The following VPS13A variants were observed in gnomAD, a reference collection of about 807,000 sequenced individuals.
The protein encoded by VPS13A is vacuolar protein sorting 13 homolog A.
A neutral mutation model predicts 390.9 loss-of-function variants in VPS13A; 264 were observed. The observed-to-expected ratio is 0.68, with a 90% CI of 0.61 to 0.75. The LOEUF (loss-of-function observed/expected upper bound fraction) is 0.75. Ranked by LOEUF, VPS13A falls within the 30% of genes least tolerant of loss-of-function variation. The pLI, the probability that VPS13A is intolerant of heterozygous loss-of-function variation, is 0.00. For missense variants in VPS13A, 3,409 were observed against 3,733.9 expected, an observed-to-expected ratio of 0.91 and a Z score of 2.27; for synonymous variants, 1,231 against 1,227.1, an observed-to-expected ratio of 1.00 and a Z score of -0.07.
At chr9:77,260,959 C>T (rs150430842) in intron 23 of VPS13A, among the ~76,000 whole-genome samples, 2,180 of 151,552 alleles carry the variant, frequency 0.014, 48 homozygotes, top group African/African-American at 0.05. Flanking sequence ...AGTGCAGTGG[C>T]GCAATCTCGG....
intron 68 of VPS13A, chr9:77,385,121 TTTTATA>T (rs1231120117): frequency 3.8e-5 from 37 of 968,962 alleles, no homozygotes; most frequent in Non-Finnish European, 4.3e-5. Context: ...CCATTTAATG[TTTTATA>T]TTTATCATTT....
intron 71 of VPS13A, among the ~76,000 whole-genome samples, chr9:77,413,904 A>C (rs1292239961): frequency 6.6e-6 from 1 of 152,224 alleles, no homozygotes; most frequent in Non-Finnish European, 1.5e-5. Context: ...CAAGAAAAAA[A>C]CAGCCCCATC....
chr9:77,207,681 A>G (rs956843445), intron 5 of VPS13A, among the ~76,000 whole-genome samples: 17 of 152,002 alleles, frequency 1.1e-4, no homozygotes, highest in Non-Finnish European at 2.4e-4. Context: ...CTAGGGTGGG[A>G]AAGGGATGTT....
At position 77,333,688 on chromosome 9, in the gene VPS13A, T is replaced by C. The variant is rs188364984; in HGVS notation, c.6095+1575T>C. The stretch of plus-strand genomic sequence containing the variant: ...TAGTACTTCAGTATAGGTGCACTTA[T>C]ATTTAAGATGTGAGGTTTTAAATTA... On this transcript the variant is annotated intron_variant, in intron 46 of 71. Coordinates refer to ENST00000360280, the MANE Select transcript of VPS13A (RefSeq NM_033305.3). Among the ~76,000 whole-genome samples the C allele has an allele frequency of 5.9e-3, 891 of 152,208 alleles. 9 individuals carry two copies. The highest frequency in any genetic ancestry group is 8.1e-3 in the Non-Finnish European group (552 of 67,992).
chr9:77,253,927 G>A (rs371745087), intron 22 of VPS13A, among the ~76,000 whole-genome samples: 3 of 147,052 alleles, frequency 2.0e-5, no homozygotes, highest in African/African-American at 2.5e-5. Context: ...ATAAGGACCG[G>A]CCTTTATTCT....
At chr9:77,369,900 A>G (rs183180008) in intron 63 of VPS13A, among the ~76,000 whole-genome samples, 13 of 152,366 alleles carry the variant, frequency 8.5e-5, no homozygotes, top group Admixed American at 6.5e-4. Flanking sequence ...CATTAAAAGC[A>G]TTAAGAATTT....
rs201871765 is a variant in VPS13A, at chr9:77,370,292, A to C, written c.8703A>C (p.Gly2901=). ...AIQGPEEFVE[G]MALGLKALVG... The stretch of plus-strand genomic sequence containing the variant: ...AGGGTCCTGAAGAGTTTGTGGAAGG[A>C]ATGGCACTAGGACTTAAGGCACTAG... The change falls in exon 64 of 72, where the codon GGA becomes GGC. Residue 2901 remains glycine (G), a synonymous_variant. Coordinates refer to ENST00000360280, the MANE Select transcript of VPS13A (RefSeq NM_033305.3). The C allele has an allele frequency of 6.2e-6, 10 of 1,614,044 alleles. No individual in the cohort carries two copies. In the Admixed American group the frequency reaches 8.3e-5, roughly 13 times the overall value.
chr9:77,263,523 G>C (rs1334404747), intron 23 of VPS13A, among the ~76,000 whole-genome samples: 3 of 151,984 alleles, frequency 2.0e-5, no homozygotes, highest in Non-Finnish European at 4.4e-5. Context: ...TCATATGTTT[G>C]TTGGCCGCAT....
chr9:77,332,736 TGGAAA>T (rs1308652899), intron 46 of VPS13A, among the ~76,000 whole-genome samples: 69 of 152,288 alleles, frequency 4.5e-4, no homozygotes, highest in African/African-American at 1.4e-3. Flanking sequence ...ATCTCTTATG[TGGAAA>T]TTGAACCTTA....
At chr9:77,290,789 CT>C (rs1028408981) in intron 31 of VPS13A, among the ~76,000 whole-genome samples, 1 of 152,112 alleles carries the variant, frequency 6.6e-6, no homozygotes, top group Non-Finnish European at 1.5e-5. Flanking sequence ...CCCTTTGACT[CT>C]TCTTTTTTCC....
intron 33 of VPS13A, among the ~76,000 whole-genome samples, chr9:77,298,569 C>A (rs559322935): frequency 1.5e-4 from 23 of 151,734 alleles, no homozygotes; most frequent in Non-Finnish European, 7.4e-5. Flanking sequence ...TATTTGGAAT[C>A]CAACAGTCAG....
chr9:77,236,183 A>C (rs1158667813), intron 17 of VPS13A, among the ~76,000 whole-genome samples: 1 of 152,230 alleles, frequency 6.6e-6, no homozygotes, highest in Non-Finnish European at 1.5e-5. Flanking sequence ...ATTATAAGTC[A>C]AGGAACATCT....
chr9:77,337,114 A>G (rs1226357451), intron 46 of VPS13A, 141 bp from the exon 47 acceptor site: 2 of 933,924 alleles, frequency 2.1e-6, no homozygotes, highest in Non-Finnish European at 3.1e-6. Context: ...TCTTACTTAT[A>G]TCGTAAAAAG....
intron 24 of VPS13A, among the ~76,000 whole-genome samples, chr9:77,274,499 ACAC>A (rs2131328288): frequency 1.3e-5 from 2 of 151,940 alleles, no homozygotes; most frequent in South Asian, 4.2e-4. Context: ...GAGTTAAAAA[ACAC>A]CACAAAACTT....
At chr9:77,257,352 GTCC>G (rs1245799908) in intron 22 of VPS13A, among the ~76,000 whole-genome samples, 3 of 152,030 alleles carry the variant, frequency 2.0e-5, no homozygotes, top group Non-Finnish European at 4.4e-5. Context: ...CTCCTGCCTT[GTCC>G]TCCTGAGTAG....
At chr9:77,312,264 G>A (rs113523207) in intron 35 of VPS13A, among the ~76,000 whole-genome samples, 4,530 of 152,120 alleles carry the variant, frequency 0.03, 101 homozygotes, top group Non-Finnish European at 0.049. Context: ...AGAAACCCAA[G>A]CCTCAGACTT....
chr9:77,177,753 G>A lies in VPS13A; in HGVS notation c.49G>A (p.Asp17Asn), dbSNP rs1564608661. 1 of 1,613,724 alleles carries A rather than the reference G, an allele frequency of 6.2e-7. No individual in the cohort carries two copies. Among genetic ancestry groups the A allele is most frequent in the Non-Finnish European group, 8.5e-7 (1 of 1,179,714 alleles). ...GGACGTGTTGAACCGGTTCTTGGGG[G>A]ACTATGTGGTGGACTTGGACACGTC... ...VVDVLNRFLG[D>N]YVVDLDTSQL... is the part of the protein sequence containing the mutation. The change falls in exon 1 of 72, where the codon GAC (aspartate) becomes AAC (asparagine). Residue 17 changes from aspartate to asparagine, a missense_variant. Coordinates refer to ENST00000360280, the MANE Select transcript of VPS13A (RefSeq NM_033305.3).
chr9:77,315,230 A>AT (rs1829319408), intron 37 of VPS13A, 23 bp from the exon 38 acceptor site: 1 of 1,598,430 alleles, frequency 6.3e-7, no homozygotes, highest in Non-Finnish European at 8.6e-7. Flanking sequence ...ATACATAGGA[A>AT]TTGTTGTTAT....
At chr9:77,393,860 C>T (rs920315799) in intron 68 of VPS13A, among the ~76,000 whole-genome samples, 1 of 152,132 alleles carries the variant, frequency 6.6e-6, no homozygotes, top group African/African-American at 2.4e-5. Context: ...CCTCCGCCTC[C>T]TGGGTTCAAG....
Sources: gnomAD v4.1 joint callset for allele counts (sites outside exome capture counted in the v4.1 genomes callset) on GRCh38, gnomAD v4.1.1 for gene constraint, MANE v1.5 for transcripts, NCBI Gene and HGNC (gene_info 2026-07-23, HGNC 2026-07-21) for gene names.